The following ABCB7 variants were observed in gnomAD, a reference collection of about 807,000 sequenced individuals.
The protein encoded by ABCB7 is ATP binding cassette subfamily B member 7, also known as iron-sulfur clusters transporter ABCB7, mitochondrial.
In ABCB7, 7 loss-of-function variants were observed where a neutral mutation model predicts 54.4. The ratio of observed to expected loss-of-function variants is 0.13; its 90% CI spans 0.07 to 0.24. ABCB7 has a LOEUF of 0.24. Among genes scored for constraint, ABCB7 ranks in the 10% least tolerant of loss-of-function variants. The pLI is 1.00. For synonymous variants in ABCB7, 218 were observed against 207.1 expected (o/e 1.05, Z -0.45); for missense variants, 356 against 570.4 (o/e 0.62, Z 3.83).
At position 75,069,554 on chromosome X, in the gene ABCB7, AAAG is replaced by A. The variant is rs1261573159; in HGVS notation, c.1366-103_1366-101del. 24 of 934,082 alleles carry A rather than the reference AAAG, an allele frequency of 2.6e-5. No individual in the cohort carries two copies. The African/African-American group carries it at 4.7e-4, about 18-fold the overall frequency. The allele number at this position is 934,082 out of a possible 1,213,427, so 77.0% of individuals were successfully genotyped here. ...ACAGAAAGAAAAAGGATATAATGGA[AAAG>A]AAGGAGGTTTATAAGTGGACTTAGA... On this transcript the variant is annotated intron_variant, in intron 10 of 15. Coordinates refer to ENST00000373394, the MANE Select transcript of ABCB7 (RefSeq NM_001271696.3).
intron 4 of ABCB7, among the ~76,000 whole-genome samples, chrX:75,082,226 T>C (rs1012099477): frequency 1.8e-5 from 2 of 111,091 alleles, no homozygotes; most frequent in Non-Finnish European, 3.8e-5. Context: ...ACGTTATGTA[T>C]AAGGGAAAAA....
At chrX:75,084,331 T>C (rs1360992222) in intron 4 of ABCB7, among the ~76,000 whole-genome samples, 3 of 111,277 alleles carry the variant, frequency 2.7e-5, no homozygotes, top group Non-Finnish European at 5.7e-5. Flanking sequence ...ACAAAGCAAA[T>C]TGAATGGGGA....
intron 8 of ABCB7, 112 bp downstream of exon 8, chrX:75,073,577 A>C: frequency 1.7e-6 from 1 of 599,443 alleles, no homozygotes; most frequent in Non-Finnish European, 2.9e-6. Flanking sequence ...CATCACGCCT[A>C]GAGATCATAT....
intron 4 of ABCB7, among the ~76,000 whole-genome samples, chrX:75,080,595 C>T (rs1421955551): frequency 1.8e-5 from 2 of 111,627 alleles, no homozygotes; most frequent in Non-Finnish European, 3.8e-5. Flanking sequence ...TGAGCCACCA[C>T]GCCTGGCCTG....
chrX:75,119,931 A>G (rs1338283876), intron 1 of ABCB7, among the ~76,000 whole-genome samples: 1 of 111,875 alleles, frequency 8.9e-6, no homozygotes, highest in Non-Finnish European at 1.9e-5. Context: ...TATGACTTTG[A>G]CAGGTGTTCT....
chrX:75,149,033 C>G (rs1335093521), intron 1 of ABCB7, among the ~76,000 whole-genome samples: 1 of 111,045 alleles, frequency 9.0e-6, no homozygotes, highest in Non-Finnish European at 1.9e-5. Context: ...ATAAGTAAAC[C>G]AAAATCGAAG....
In ABCB7 at chrX:75,056,991, T is replaced by G. The variant is rs772494795; in HGVS notation, c.2043+3232A>C. On this transcript the variant is annotated intron_variant, in intron 15 of 15. Transcript: ENST00000373394. Reference sequence around the variant, plus strand: ...GTTACTTGGCTTAATTCTATTTTTCTTCTGTGTGGTTATGTTAGCAATTTT... The same window carrying G: ...GTTACTTGGCTTAATTCTATTTTTCGTCTGTGTGGTTATGTTAGCAATTTT... 2.7e-5 allele frequency among the ~76,000 whole-genome samples: 3 copies of G among 112,468 alleles called. No individual in the cohort carries two copies. The South Asian group carries it at 1.1e-3, about 41-fold the overall frequency.
intron 1 of ABCB7, among the ~76,000 whole-genome samples, chrX:75,125,281 C>A (rs2081914789): frequency 9.0e-6 from 1 of 111,574 alleles, no homozygotes; most frequent in Non-Finnish European, 1.9e-5. Flanking sequence ...CTGCTTATAA[C>A]AGAAAGTGTA....
intron 3 of ABCB7, among the ~76,000 whole-genome samples, chrX:75,102,830 T>G (rs1262155224): frequency 8.9e-6 from 1 of 111,858 alleles, no homozygotes; most frequent in African/African-American, 3.2e-5. Context: ...ATTTTTTGTC[T>G]TTTTATTCAT....
intron 4 of ABCB7, among the ~76,000 whole-genome samples, chrX:75,084,882 C>T (rs2081484054): frequency 8.9e-6 from 1 of 111,830 alleles, no homozygotes; most frequent in Non-Finnish European, 1.9e-5. Context: ...CAATGCTGCT[C>T]AATATCCCAG....
At chrX:75,148,582 G>GC (rs2082109703) in intron 1 of ABCB7, among the ~76,000 whole-genome samples, 1 of 111,115 alleles carries the variant, frequency 9.0e-6, no homozygotes, top group East Asian at 2.8e-4. Flanking sequence ...TGGAAACAGG[G>GC]CCCTTAAAGA....
At position 75,060,309 on chromosome X, in the gene ABCB7, C is replaced by A. The variant is rs1224789584; in HGVS notation, c.1957G>T (p.Asp653Tyr). ...TEETILGAMK[D>Y]VVKHRTSIFI... ...ATAGAAGTTCTGTGTTTGACCACAT[C>A]CTTCATGGCACCAAGAATAGTCTGC... Residue 653 changes from aspartate to tyrosine, a missense_variant, in exon 15 of 16, where the codon GAT becomes TAT. Asp to Tyr is a radical substitution (Grantham distance 160, BLOSUM62 -3). Around this residue, in one of 2 missense-constraint regions of ABCB7, gnomAD observed 241 missense variants for 470.9 expected, o/e 0.51. Transcript: ENST00000373394. The A allele has an allele frequency of 2.3e-5, 28 of 1,207,507 alleles. No homozygotes were observed. The highest frequency in any genetic ancestry group is 2.9e-5 in the Non-Finnish European group (26 of 891,900).
At chrX:75,138,223 TACACACAC>T (rs60844679) in intron 1 of ABCB7, among the ~76,000 whole-genome samples, 13,590 of 99,245 alleles carry the variant, frequency 0.14, 1,491 homozygotes, top group East Asian at 0.88. Flanking sequence ...GCAACCCTCA[TACACACAC>T]ACACACACAC....
intron 15 of ABCB7, among the ~76,000 whole-genome samples, chrX:75,057,132 A>C: frequency 8.9e-6 from 1 of 112,031 alleles, no homozygotes; most frequent in African/African-American, 3.2e-5. Flanking sequence ...TCAAAAGTAA[A>C]AGAAATATTA....
intron 1 of ABCB7, among the ~76,000 whole-genome samples, chrX:75,120,926 T>C (rs1435312872): frequency 9.0e-6 from 1 of 110,600 alleles, no homozygotes; most frequent in African/African-American, 3.3e-5. Flanking sequence ...AACCCATGAC[T>C]GGGTTTGGCT....
At chrX:75,144,143 C>T (rs1000131130) in intron 1 of ABCB7, among the ~76,000 whole-genome samples, 13 of 111,180 alleles carry the variant, frequency 1.2e-4, no homozygotes, top group Non-Finnish European at 2.5e-4. Context: ...AATTAATGTC[C>T]CTATCTCCAA....
intron 1 of ABCB7, among the ~76,000 whole-genome samples, chrX:75,133,881 C>A (rs956232432): frequency 8.9e-6 from 1 of 112,012 alleles, no homozygotes; most frequent in African/African-American, 3.2e-5. Context: ...ACAAAACACA[C>A]TCAAATACAT....
chrX:75,115,381 C>CCCCTT (rs1215130257), intron 1 of ABCB7, among the ~76,000 whole-genome samples: 9 of 98,295 alleles, frequency 9.2e-5, no homozygotes, highest in Non-Finnish European at 1.6e-4. Flanking sequence ...TTCTTTTCAT[C>CCCCTT]CCCTTTCTTT....
At chrX:75,151,940 G>C (rs890056308) in intron 1 of ABCB7, among the ~76,000 whole-genome samples, 2 of 111,223 alleles carry the variant, frequency 1.8e-5, no homozygotes, top group African/African-American at 3.3e-5. Flanking sequence ...CCTACCTCAA[G>C]ACCTCTTAAT....
Sources: allele counts gnomAD v4.1 joint callset (sites outside exome capture counted in the v4.1 genomes callset), GRCh38; gene constraint gnomAD v4.1.1; regional missense constraint gnomAD v4.1.1; transcripts MANE v1.5; gene names NCBI Gene and HGNC (gene_info 2026-07-23, HGNC 2026-07-21).